DPP10: variants seen among roughly 807,000 people sequenced by gnomAD.
DPP10 encodes the protein dipeptidyl peptidase like 10, also known as inactive dipeptidyl peptidase 10.
Under a neutral mutation model 120.9 loss-of-function variants are expected in DPP10, and 33 were observed. The ratio of observed to expected loss-of-function variants is 0.27; its 90% CI spans 0.21 to 0.37. The LOEUF (loss-of-function observed/expected upper bound fraction) is 0.37. Among genes scored for constraint, DPP10 ranks in the 10% least tolerant of loss-of-function variants. The pLI, the probability that DPP10 is intolerant of heterozygous loss-of-function variation, is 1.00. For synonymous variants in DPP10, 337 were observed against 326.1 expected, an observed-to-expected ratio of 1.03 and a Z score of -0.36; for missense variants, 816 against 942.8, an observed-to-expected ratio of 0.87 and a Z score of 1.76.
chr2:114,889,347 T>C (rs1486626689), intron 1 of DPP10, among the ~76,000 whole-genome samples: 1 of 152,150 alleles, frequency 6.6e-6, no homozygotes, highest in Non-Finnish European at 1.5e-5. Flanking sequence ...AAAGGTAATC[T>C]TCAGATTCAG....
chr2:115,328,207 G>C (rs941361609), intron 2 of DPP10, among the ~76,000 whole-genome samples: 1 of 152,046 alleles, frequency 6.6e-6, no homozygotes, highest in East Asian at 1.9e-4. Context: ...ATTTCAGGGT[G>C]TATGTGTGTA....
At chr2:114,913,027 A>G (rs185424407) in intron 1 of DPP10, among the ~76,000 whole-genome samples, 1 of 152,204 alleles carries the variant, frequency 6.6e-6, no homozygotes, top group African/African-American at 2.4e-5. Context: ...GATGTGGCCA[A>G]TATGATATGA....
chr2:115,143,129 G>A (rs2051021532), intron 1 of DPP10, among the ~76,000 whole-genome samples: 1 of 152,112 alleles, frequency 6.6e-6, no homozygotes, highest in Non-Finnish European at 1.5e-5. Flanking sequence ...ACATGCCTTG[G>A]GATATTGCCT....
At chr2:115,180,818 A>G (rs1040686749) in intron 1 of DPP10, among the ~76,000 whole-genome samples, 4 of 152,064 alleles carry the variant, frequency 2.6e-5, no homozygotes, top group Non-Finnish European at 5.9e-5. Flanking sequence ...TATTTATCTC[A>G]ATGTCCATGG....
At chr2:115,260,441 C>T (rs1388689630) in intron 1 of DPP10, among the ~76,000 whole-genome samples, 2 of 152,044 alleles carry the variant, frequency 1.3e-5, no homozygotes, top group African/African-American at 2.4e-5. Context: ...GGAGGTCAGA[C>T]GTTCAACTCA....
intron 1 of DPP10, among the ~76,000 whole-genome samples, chr2:114,827,305 T>C (rs1686642223): frequency 6.6e-6 from 1 of 152,156 alleles, no homozygotes. Context: ...GGGCAGGTAA[T>C]AGGAGATGTT....
rs775985067 is a variant in DPP10 at position 115,088,768 on chromosome 2, A to AAAAAAAAAAAAAAAAAAAAAC, written c.61-220470_61-220469insAAAAAAAAAAAAAAAAAAACA. On this transcript the variant is annotated intron_variant, in intron 1 of 25. Transcript: ENST00000410059. ...TGCCTGACAAAAAAAAAAAAAAAAA[A>AAAAAAAAAAAAAAAAAAAAAC]ACCAAAAAACAAAAAAAACCTTAAA... 1.7e-4 allele frequency among the ~76,000 whole-genome samples: 23 copies of AAAAAAAAAAAAAAAAAAAAAC among 134,824 alleles called. 1 individual carries two copies. Among genetic ancestry groups the AAAAAAAAAAAAAAAAAAAAAC allele is most frequent in the East Asian group, 4.5e-4 (2 of 4,472 alleles). 88.4% of individuals were successfully genotyped at this position (134,824 alleles called of 152,430 possible). A position where few individuals can be genotyped will look rare whatever the true frequency, so the allele number is the denominator to read the frequency against.
intron 1 of DPP10, among the ~76,000 whole-genome samples, chr2:115,273,586 TCG>T (rs1430096945): frequency 7.9e-5 from 12 of 152,230 alleles, no homozygotes; most frequent in African/African-American, 1.2e-4. Context: ...TCCGCCCGCC[TCG>T]GCCTCCCAAA....
chr2:114,801,284 A>AAG (rs145757469), intron 1 of DPP10, among the ~76,000 whole-genome samples: 1 of 132,752 alleles, frequency 7.5e-6, no homozygotes, highest in Admixed American at 7.4e-5. Context: ...AAAAAAGAAA[A>AAG]AAAGAAAGAA....
intron 1 of DPP10, among the ~76,000 whole-genome samples, chr2:115,102,679 G>A (rs1268178205): frequency 6.6e-6 from 1 of 151,880 alleles, no homozygotes; most frequent in Non-Finnish European, 1.5e-5. Context: ...AAGGTGCCGG[G>A]ATTAGAGGCG....
At chr2:115,738,038 C>A (rs1676790675) in intron 8 of DPP10, among the ~76,000 whole-genome samples, 1 of 152,126 alleles carries the variant, frequency 6.6e-6, no homozygotes, top group African/African-American at 2.4e-5. Context: ...AGCATTCAAC[C>A]ATAATGTGTT....
intron 3 of DPP10, among the ~76,000 whole-genome samples, chr2:115,456,567 C>T (rs1310753160): frequency 6.6e-6 from 1 of 152,104 alleles, no homozygotes; most frequent in East Asian, 1.9e-4. Flanking sequence ...GCCCAAATGC[C>T]CATCAATGAT....
At chr2:115,640,736 G>A (rs2086713293) in intron 5 of DPP10, among the ~76,000 whole-genome samples, 2 of 152,112 alleles carry the variant, frequency 1.3e-5, no homozygotes, top group South Asian at 2.1e-4. Flanking sequence ...GAAGCTTTAC[G>A]AGATTATTGA....
intron 1 of DPP10, among the ~76,000 whole-genome samples, chr2:114,558,724 T>C (rs1299171967): frequency 2.0e-5 from 3 of 152,222 alleles, no homozygotes; most frequent in African/African-American, 4.8e-5. Flanking sequence ...TAGAGTATTA[T>C]ATGTTTAAAT....
chr2:115,596,330 G>T (rs2149196741), intron 5 of DPP10, among the ~76,000 whole-genome samples: 1 of 152,196 alleles, frequency 6.6e-6, no homozygotes, highest in African/African-American at 2.4e-5. Context: ...CCAAAGATTA[G>T]TCACATGAAC....
chr2:115,667,162 T>G (rs1403173926), intron 5 of DPP10, among the ~76,000 whole-genome samples: 1 of 152,144 alleles, frequency 6.6e-6, no homozygotes, highest in Non-Finnish European at 1.5e-5. Context: ...TTTCAAAAAG[T>G]GTTTGTTCAT....
intron 2 of DPP10, among the ~76,000 whole-genome samples, chr2:115,333,430 G>A (rs1205985145): frequency 4.6e-5 from 7 of 152,024 alleles, no homozygotes; most frequent in African/African-American, 1.7e-4. Flanking sequence ...TACATTTAAG[G>A]TTAATATTGT....
chr2:115,665,844 C>T (rs911848314), intron 5 of DPP10, among the ~76,000 whole-genome samples: 4 of 151,652 alleles, frequency 2.6e-5, no homozygotes, highest in African/African-American at 9.7e-5. Context: ...ATTTATATTT[C>T]TGTTTTTTAT....
intron 1 of DPP10, among the ~76,000 whole-genome samples, chr2:114,487,276 A>T (rs1183746473): frequency 6.6e-6 from 1 of 152,206 alleles, no homozygotes; most frequent in African/African-American, 2.4e-5. Flanking sequence ...GCATGCAAAT[A>T]AATAATAAGT....
Sources: gnomAD v4.1 joint callset for allele counts (sites outside exome capture counted in the v4.1 genomes callset) on GRCh38, gnomAD v4.1.1 for gene constraint, MANE v1.5 for transcripts, NCBI Gene and HGNC (gene_info 2026-07-23, HGNC 2026-07-21) for gene names.